CXCL13: variants seen among roughly 807,000 people sequenced by gnomAD.
CXCL13 encodes C-X-C motif chemokine ligand 13.
A neutral mutation model predicts 12.2 loss-of-function variants in CXCL13; 7 were observed. The ratio of observed to expected loss-of-function variants is 0.57; its 90% confidence interval spans 0.33 to 1.07. The LOEUF is 1.07. Among genes scored for constraint, CXCL13 ranks in the 50% least tolerant of loss-of-function variants. The pLI, the probability that CXCL13 is intolerant of heterozygous loss-of-function variation, is 0.04. For synonymous variants in CXCL13, 47 were observed against 42.4 expected (o/e 1.11, Z -0.42); for missense variants, 113 against 127.4 (o/e 0.89, Z 0.55).
intron 1 of CXCL13, among the ~76,000 whole-genome samples, chr4:77,521,902 T>C (rs185658417): frequency 1.8e-4 from 27 of 152,334 alleles, no homozygotes; most frequent in Non-Finnish European, 1.5e-5. Context: ...GAGATTCTGG[T>C]ACATTTTGTC....
intron 1 of CXCL13, among the ~76,000 whole-genome samples, chr4:77,515,813 T>A (rs1422643074): frequency 1.3e-5 from 2 of 152,362 alleles, no homozygotes; most frequent in African/African-American, 2.4e-5. Context: ...TTCTCCTGAC[T>A]AATTGCCCTG....
intron 1 of CXCL13, among the ~76,000 whole-genome samples, chr4:77,589,513 A>G (rs1025568988): frequency 1.3e-5 from 2 of 151,254 alleles, no homozygotes; most frequent in African/African-American, 2.4e-5. Context: ...ACCGTGCCTA[A>G]TTTATACATT....
intron 1 of CXCL13, among the ~76,000 whole-genome samples, chr4:77,596,785 C>CAA (rs1024280441): frequency 6.3e-4 from 41 of 64,726 alleles, no homozygotes; most frequent in African/African-American, 1.0e-3. Flanking sequence ...GACTCTGTCT[C>CAA]AAAAAAAAAA....
chr4:77,547,785 C>A (rs1478946153), intron 1 of CXCL13, among the ~76,000 whole-genome samples: 1 of 152,110 alleles, frequency 6.6e-6, no homozygotes, highest in African/African-American at 2.4e-5. Context: ...ATGATGTTAG[C>A]TGGTTATTTT....
At chr4:77,514,086 G>A (rs1724346159) in intron 1 of CXCL13, among the ~76,000 whole-genome samples, 2 of 151,920 alleles carry the variant, frequency 1.3e-5, no homozygotes, top group South Asian at 4.2e-4. Flanking sequence ...ATAGTTTACT[G>A]AGAATGATGA....
intron 1 of CXCL13, among the ~76,000 whole-genome samples, chr4:77,606,238 C>T (rs1442142756): frequency 1.3e-5 from 2 of 152,166 alleles, no homozygotes; most frequent in Non-Finnish European, 2.9e-5. Flanking sequence ...TGTAGCTCTT[C>T]TTTGTTCTGC....
At chr4:77,579,197 G>A (rs1291454801) in intron 1 of CXCL13, among the ~76,000 whole-genome samples, 1 of 152,204 alleles carries the variant, frequency 6.6e-6, no homozygotes, top group Non-Finnish European at 1.5e-5. Flanking sequence ...TCTCACTGAA[G>A]GCACCCACAT....
chr4:77,567,058 A>G (rs1407891630), intron 1 of CXCL13, among the ~76,000 whole-genome samples: 2 of 152,154 alleles, frequency 1.3e-5, no homozygotes, highest in African/African-American at 2.4e-5. Context: ...TAACTGATCA[A>G]TTGACTTTGT....
intron 1 of CXCL13, among the ~76,000 whole-genome samples, chr4:77,525,792 C>G (rs1724747429): frequency 6.6e-6 from 1 of 152,072 alleles, no homozygotes; most frequent in Non-Finnish European, 1.5e-5. Flanking sequence ...TGCAAGCACA[C>G]CTGGGGTTCT....
At chr4:77,568,365 A>T (rs1458792723) in intron 1 of CXCL13, among the ~76,000 whole-genome samples, 1 of 152,150 alleles carries the variant, frequency 6.6e-6, no homozygotes, top group Non-Finnish European at 1.5e-5. Flanking sequence ...CACCTGGCCA[A>T]CCATGTTCTT....
At chr4:77,580,118 G>A (rs77919344) in intron 1 of CXCL13, among the ~76,000 whole-genome samples, 1 of 152,076 alleles carries the variant, frequency 6.6e-6, no homozygotes, top group East Asian at 1.9e-4. Context: ...GGAAGGGGAT[G>A]AATGGTGAGA....
intron 1 of CXCL13, among the ~76,000 whole-genome samples, chr4:77,548,315 A>G (rs1050466212): frequency 1.6e-4 from 24 of 152,222 alleles, no homozygotes; most frequent in Non-Finnish European, 2.4e-4. Flanking sequence ...CAAGGTCTTT[A>G]CAAAAATGAC....
At chr4:77,610,733 G>A in intron 3 of CXCL13, 39 bp downstream of exon 3, 1 of 1,443,682 alleles carries the variant, frequency 6.9e-7, no homozygotes, top group East Asian at 2.3e-5. Context: ...ATTCCAACTT[G>A]TACTGAAGAG....
At chr4:77,584,929 A>G (rs1427272276) in intron 1 of CXCL13, among the ~76,000 whole-genome samples, 1 of 152,216 alleles carries the variant, frequency 6.6e-6, no homozygotes, top group Non-Finnish European at 1.5e-5. Flanking sequence ...GGCCACTTTC[A>G]TGACAAATAT....
chr4:77,544,374 G>T (rs1725298590), intron 1 of CXCL13, among the ~76,000 whole-genome samples: 1 of 152,244 alleles, frequency 6.6e-6, no homozygotes, highest in East Asian at 1.9e-4. Flanking sequence ...CAGTGTAAAA[G>T]TGTTCCTATT....
At chr4:77,534,365 T>C (rs1725007521) in intron 1 of CXCL13, among the ~76,000 whole-genome samples, 1 of 152,212 alleles carries the variant, frequency 6.6e-6, no homozygotes, top group Non-Finnish European at 1.5e-5. Context: ...AACTGATGAA[T>C]GGCTAAACAA....
At chr4:77,539,479 C>T (rs1489520285) in intron 1 of CXCL13, among the ~76,000 whole-genome samples, 1 of 152,148 alleles carries the variant, frequency 6.6e-6, no homozygotes, top group Non-Finnish European at 1.5e-5. Flanking sequence ...TTCCAAGGTC[C>T]TGCATCCCTT....
chr4:77,586,278 T>C (rs1304530011), intron 1 of CXCL13, among the ~76,000 whole-genome samples: 1 of 151,916 alleles, frequency 6.6e-6, no homozygotes, highest in East Asian at 1.9e-4. Flanking sequence ...GTTCTCCCTG[T>C]TCTCAAAGGG....
At chr4:77,601,624 A>G (rs538288469), upstream of CXCL13, among the ~76,000 whole-genome samples, 2 of 152,230 alleles carry the variant, frequency 1.3e-5, no homozygotes, top group Non-Finnish European at 2.9e-5. Flanking sequence ...ATGCTGTGAC[A>G]TTTTAATTCA....
Sources: gnomAD v4.1 joint callset for allele counts (sites outside exome capture counted in the v4.1 genomes callset) on GRCh38, gnomAD v4.1.1 for gene constraint, MANE v1.5 for transcripts, NCBI Gene and HGNC (gene_info 2026-07-23, HGNC 2026-07-21) for gene names.